The following CCDC102B variants were observed in gnomAD, a reference collection of about 807,000 sequenced individuals.
The protein encoded by CCDC102B is coiled-coil domain-containing protein 102B.
In CCDC102B, 75 loss-of-function variants were observed where a neutral mutation model predicts 57.4. The ratio of observed to expected loss-of-function variants is 1.31; its 90% CI spans 1.08 to 1.58. CCDC102B has a LOEUF of 1.58. CCDC102B is among the 40% of genes most tolerant of loss of function. The pLI is 0.00. For synonymous variants in CCDC102B, 206 were observed against 201.9 expected (o/e 1.02, Z -0.17); for missense variants, 636 against 582.6 (o/e 1.09, Z -0.94).
chr18:68,884,482 T>G (rs2144969664), intron 5 of CCDC102B, among the ~76,000 whole-genome samples: 1 of 151,502 alleles, frequency 6.6e-6, no homozygotes, highest in Admixed American at 6.6e-5. Context: ...TATATAGAGA[T>G]AGAGAACAAA....
chr18:68,800,413 G>T lies in CCDC102B; in HGVS notation c.-16+2232G>T, dbSNP rs181714158. Reference sequence around the variant, plus strand: ...CAGACGAATTACTGTTCTATCAGTTGGGCCACACTTTTCCTTTGGGAATTG... The same window carrying T: ...CAGACGAATTACTGTTCTATCAGTTTGGCCACACTTTTCCTTTGGGAATTG... On this transcript the variant is annotated intron_variant, in intron 1 of 7. Transcript: ENST00000360242. Among the ~76,000 whole-genome samples the T allele has an allele frequency of 5.3e-5, 8 of 152,156 alleles. No individual in the cohort carries two copies. The East Asian group carries it at 1.5e-3, about 29-fold the overall frequency.
chr18:68,735,981 T>C (rs2033108047), intron 2 of CCDC102B, among the ~76,000 whole-genome samples: 2 of 152,202 alleles, frequency 1.3e-5, no homozygotes, highest in South Asian at 4.1e-4. Flanking sequence ...GCATTCTTTG[T>C]GAATCACTTT....
upstream of CCDC102B, among the ~76,000 whole-genome samples, chr18:68,796,287 A>G (rs1314223990): frequency 6.6e-6 from 1 of 152,158 alleles, no homozygotes; most frequent in Non-Finnish European, 1.5e-5. Context: ...GCTGGATTTG[A>G]TATAGAATAG....
At chr18:68,749,721 A>T (rs533299474) in intron 2 of CCDC102B, among the ~76,000 whole-genome samples, 1 of 152,280 alleles carries the variant, frequency 6.6e-6, no homozygotes, top group South Asian at 2.1e-4. Flanking sequence ...GTCATCTGCA[A>T]ACAGCGACAA....
intron 5 of CCDC102B, among the ~76,000 whole-genome samples, chr18:68,883,604 T>A (rs1228260390): frequency 6.6e-6 from 1 of 152,176 alleles, no homozygotes; most frequent in Non-Finnish European, 1.5e-5. Context: ...GAAGGTTTTT[T>A]ATCTGGAAAA....
intron 7 of CCDC102B, among the ~76,000 whole-genome samples, chr18:69,050,954 A>G (rs1568151206): frequency 6.6e-6 from 1 of 152,150 alleles, no homozygotes; most frequent in African/African-American, 2.4e-5. Context: ...GTATGATCAT[A>G]GCTTACCATA....
At chr18:68,852,400 T>C (rs2038168356) in intron 4 of CCDC102B, among the ~76,000 whole-genome samples, 1 of 152,210 alleles carries the variant, frequency 6.6e-6, no homozygotes, top group African/African-American at 2.4e-5. Context: ...AATCCACAGA[T>C]GTTCAAGTCC....
chr18:68,938,829 T>C (rs2049309236), intron 6 of CCDC102B, among the ~76,000 whole-genome samples: 1 of 151,714 alleles, frequency 6.6e-6, no homozygotes, highest in South Asian at 2.1e-4. Context: ...TATACCTATC[T>C]AGATACCTCA....
rs569056038 is a variant in CCDC102B, at chr18:68,884,557, G to A, written c.1053+9772G>A. The stretch of plus-strand genomic sequence containing the variant: ...GGCAGATGTAGGTCAGAGGCTACAA[G>A]GCAACAGAAATACATACAATACAAA... On this transcript the variant is annotated intron_variant, in intron 5 of 7. Coordinates refer to ENST00000360242, the MANE Select transcript of CCDC102B (RefSeq NM_024781.3). Among the ~76,000 whole-genome samples the A allele has an allele frequency of 1.1e-3, 164 of 149,700 alleles. 1 individual carries two copies. Among genetic ancestry groups the A allele is most frequent in the African/African-American group, 3.9e-3 (160 of 40,714 alleles).
At chr18:68,798,595 A>C (rs939259607) in intron 1 of CCDC102B, 2 of 152,164 alleles carry the variant, frequency 1.3e-5, no homozygotes, top group African/African-American at 4.8e-5. Flanking sequence ...ATTGTTATGG[A>C]AATCCTCCTA....
At chr18:68,812,423 T>C (rs910646766) in intron 1 of CCDC102B, among the ~76,000 whole-genome samples, 3 of 152,180 alleles carry the variant, frequency 2.0e-5, no homozygotes, top group Admixed American at 6.5e-5. Context: ...AATGTGGCTA[T>C]ATATGATTAC....
chr18:68,839,091 TA>T lies in CCDC102B; in HGVS notation c.827+169del. On this transcript the variant is annotated intron_variant, in intron 3 of 7. Coordinates refer to ENST00000360242, the MANE Select transcript of CCDC102B (RefSeq NM_024781.3). ...TGATATATATTCATATGTTGAATTTTAAAATGTAGTTTATAACTTGTTAGTG... is the reference window on the plus strand; with the variant it reads ...TGATATATATTCATATGTTGAATTTTAAATGTAGTTTATAACTTGTTAGTG... 6.2e-6 allele frequency: 4 copies of T among 644,716 alleles called. 1 individual carries two copies. In the South Asian group the frequency reaches 7.6e-5, roughly 12 times the overall value. 39.9% of individuals were successfully genotyped at this position (644,716 alleles called of 1,614,324 possible). A position where few individuals can be genotyped will look rare whatever the true frequency, so the allele number is the denominator to read the frequency against.
intron 2 of CCDC102B, among the ~76,000 whole-genome samples, chr18:68,789,823 C>T (rs1352351607): frequency 6.6e-6 from 1 of 151,046 alleles, no homozygotes; most frequent in Non-Finnish European, 1.5e-5. Context: ...GCCTTCTTCT[C>T]TCAGCTCGTC....
At chr18:68,969,810 T>A (rs1433570117) in intron 6 of CCDC102B, among the ~76,000 whole-genome samples, 1 of 152,252 alleles carries the variant, frequency 6.6e-6, no homozygotes, top group East Asian at 1.9e-4. Flanking sequence ...TTTTTGATGA[T>A]GAATTTATCC....
intron 7 of CCDC102B, among the ~76,000 whole-genome samples, chr18:69,031,803 G>A (rs2052154333): frequency 1.3e-5 from 2 of 151,902 alleles, no homozygotes; most frequent in South Asian, 4.1e-4. Context: ...TATAATAACT[G>A]GGCTGAATTC....
chr18:68,882,615 C>T (rs1037335191), intron 5 of CCDC102B, among the ~76,000 whole-genome samples: 6 of 152,130 alleles, frequency 3.9e-5, no homozygotes, highest in African/African-American at 1.2e-4. Flanking sequence ...TTATTCCAGG[C>T]TCATATTTCA....
chr18:68,945,925 T>C (rs2049526011), intron 6 of CCDC102B, among the ~76,000 whole-genome samples: 1 of 152,054 alleles, frequency 6.6e-6, no homozygotes, highest in Admixed American at 6.6e-5. Flanking sequence ...AAATGGTCAC[T>C]TTATTATTTT....
intron 6 of CCDC102B, among the ~76,000 whole-genome samples, chr18:68,905,703 C>T (rs1358931741): frequency 1.3e-5 from 2 of 151,452 alleles, no homozygotes; most frequent in African/African-American, 4.9e-5. Context: ...AGCAACCGCA[C>T]TTCTGCTTTC....
chr18:68,733,508 T>TATATATATATATATATATATATATA lies in CCDC102B; in HGVS notation c.-67+16914_-67+16915insATATATATATATATATATATATATA, dbSNP rs1568222920. Among the ~76,000 whole-genome samples, 139 of 90,454 alleles carry TATATATATATATATATATATATATA rather than the reference T, an allele frequency of 1.5e-3. 5 individuals carry two copies. Among genetic ancestry groups the TATATATATATATATATATATATATA allele is most frequent in the African/African-American group, 2.0e-3 (39 of 19,676 alleles). The allele number at this position is 90,454 out of a possible 152,430, so 59.3% of individuals were successfully genotyped here. The stretch of plus-strand genomic sequence containing the variant: ...TATATATATATATATATATATATAT[T>TATATATATATATATATATATATATA]TTTTTAACTTAAGCATGCTTTAAGA... On this transcript the variant is annotated intron_variant, in intron 2 of 3. Transcript: ENST00000578970.
Sources: gnomAD v4.1 joint callset for allele counts (sites outside exome capture counted in the v4.1 genomes callset) on GRCh38, gnomAD v4.1.1 for gene constraint, MANE v1.5 for transcripts, NCBI Gene and HGNC (gene_info 2026-07-23, HGNC 2026-07-21) for gene names.